Variants in RELCH observed in about 807,000 individuals in gnomAD.
RELCH encodes the protein RAB11-binding protein RELCH.
Under a neutral mutation model 150.3 loss-of-function variants are expected in RELCH, and 41 were observed. The ratio of observed to expected loss-of-function variants is 0.27; its 90% CI spans 0.21 to 0.35. The LOEUF is 0.35. Among genes scored for constraint, RELCH ranks in the 10% least tolerant of loss-of-function variants. RELCH has a pLI of 1.00. For synonymous variants in RELCH, 478 were observed against 531.8 expected (o/e 0.90, Z 1.39); for missense variants, 1,092 against 1,467.8 (o/e 0.74, Z 4.18).
intron 15 of RELCH, 44 bp downstream of exon 15, chr18:62,258,720 G>A: frequency 2.2e-6 from 3 of 1,395,324 alleles, no homozygotes; most frequent in South Asian, 2.7e-5. Flanking sequence ...AACTTAAAAG[G>A]TCTGTCCTAA....
At chr18:62,248,649 T>C (rs951259583) in intron 11 of RELCH, among the ~76,000 whole-genome samples, 1 of 152,218 alleles carries the variant, frequency 6.6e-6, no homozygotes, top group Non-Finnish European at 1.5e-5. Context: ...GATCTTTTAA[T>C]GGTTATGCTT....
At chr18:62,231,782 C>T (rs955979972) in intron 9 of RELCH, among the ~76,000 whole-genome samples, 1 of 141,284 alleles carries the variant, frequency 7.1e-6, no homozygotes, top group Non-Finnish European at 1.5e-5. Context: ...TCTTGCTGTT[C>T]TGTGTTTCAT....
chr18:62,221,004 G>T (rs1181860078), intron 2 of RELCH, 33 bp from the exon 3 acceptor site: 3 of 1,538,722 alleles, frequency 1.9e-6, no homozygotes, highest in Non-Finnish European at 1.8e-6. Flanking sequence ...TTGGTTGGAT[G>T]CCTGTGTGTG....
rs770963487 is a variant in RELCH, at chr18:62,264,732, G to A, written c.2511G>A (p.Leu837=). The change falls in exon 18 of 29, where the codon TTG becomes TTA. Residue 837 remains leucine, a synonymous_variant. Transcript: ENST00000644646. ...TTTTCTTTCCTTTCATATTCAGGTT[G>A]CCACAACTTATAGAAATAGTTGGCA... ...ESLLWVVNQL[L]PQLIEIVGKI... is the part of the protein sequence containing the mutation. The A allele has an allele frequency of 3.1e-6, 5 of 1,588,002 alleles. No individual in the cohort carries two copies. The highest frequency in any genetic ancestry group is 1.4e-5 in the African/African-American group (1 of 73,876).
chr18:62,302,704 T>C (rs1437168412), intron 28 of RELCH, among the ~76,000 whole-genome samples: 2 of 152,090 alleles, frequency 1.3e-5, no homozygotes, highest in African/African-American at 4.8e-5. Context: ...AATGTATTTT[T>C]ACTAGAGAGG....
chr18:62,269,177 G>T (rs878979724), intron 20 of RELCH, among the ~76,000 whole-genome samples: 2 of 152,110 alleles, frequency 1.3e-5, no homozygotes, highest in Non-Finnish European at 2.9e-5. Flanking sequence ...TATTTTGTTA[G>T]AAGTGTTAGA....
intron 21 of RELCH, among the ~76,000 whole-genome samples, chr18:62,274,336 A>G (rs570007119): frequency 8.7e-4 from 133 of 152,286 alleles, no homozygotes; most frequent in African/African-American, 3.1e-3. Context: ...TTTTCTTTGA[A>G]GCAGTTGGAG....
At chr18:62,279,710 G>A (rs10515985) in intron 22 of RELCH, 64 bp from the exon 23 acceptor site, 215,076 of 1,049,266 alleles carry the variant, frequency 0.2, 25,073 homozygotes, top group Middle Eastern at 0.25. Context: ...CCTTCTTCCC[G>A]TGGCGCACTG....
At chr18:62,220,815 T>C in intron 2 of RELCH, 1 of 547,014 alleles carries the variant, frequency 1.8e-6, no homozygotes, top group South Asian at 2.3e-5. Context: ...CATTTGATAA[T>C]AACCCCCTGA....
chr18:62,280,372 G>A, intron 23 of RELCH: 1 of 1,613,878 alleles, frequency 6.2e-7, no homozygotes, highest in Non-Finnish European at 8.5e-7. Context: ...GACTCTTCGA[G>A]GCATGAGTGA....
In RELCH at chr18:62,221,323, A is replaced by G. The variant is rs749022966; in HGVS notation, c.744+49A>G. On this transcript the variant is annotated intron_variant, in intron 4 of 28. Transcript: ENST00000644646. ...AAATTAATCTTCCACATTAAATGGTAACATAAATATTGAAGGAGGAATACT... is the reference window on the plus strand; with the variant it reads ...AAATTAATCTTCCACATTAAATGGTGACATAAATATTGAAGGAGGAATACT... 3.2e-6 allele frequency: 5 copies of G among 1,550,568 alleles called. No individual in the cohort carries two copies. The East Asian group carries it at 9.0e-5, about 28-fold the overall frequency.
chr18:62,236,149 A>T lies in RELCH; in HGVS notation c.1620+3722A>T, dbSNP rs568323340. On this transcript the variant is annotated intron_variant, in intron 10 of 28. Coordinates refer to ENST00000644646, the MANE Select transcript of RELCH (RefSeq NM_001346231.2). Reference sequence around the variant, plus strand: ...TCCTTTTATCCCTAGTTTGCTAAATATTCTTATCATAAAATGGCATTGAAT... The same window carrying T: ...TCCTTTTATCCCTAGTTTGCTAAATTTTCTTATCATAAAATGGCATTGAAT... Among the ~76,000 whole-genome samples the T allele has an allele frequency of 1.4e-3, 212 of 152,098 alleles. 1 individual carries two copies. Among genetic ancestry groups the T allele is most frequent in the African/African-American group, 5.0e-3 (206 of 41,538 alleles).
At chr18:62,262,304 A>G (rs1335874034) in intron 16 of RELCH, among the ~76,000 whole-genome samples, 1 of 152,062 alleles carries the variant, frequency 6.6e-6, no homozygotes, top group Non-Finnish European at 1.5e-5. Context: ...AACGTCCAGG[A>G]CAAATGGCTA....
chr18:62,232,835 G>T (rs1022982444), intron 10 of RELCH, among the ~76,000 whole-genome samples: 6 of 152,030 alleles, frequency 3.9e-5, no homozygotes, highest in African/African-American at 1.4e-4. Context: ...TATAAAACTA[G>T]TCAGGAGGAA....
At chr18:62,302,129 C>T (rs2145160500) in intron 28 of RELCH, among the ~76,000 whole-genome samples, 1 of 152,252 alleles carries the variant, frequency 6.6e-6, no homozygotes. Flanking sequence ...AACTTGGCAG[C>T]TGATTAAGAG....
At position 62,267,512 on chromosome 18, in the gene RELCH, G is replaced by T. The variant is rs56049532; in HGVS notation, c.2680+763G>T. Reference sequence around the variant, plus strand: ...TGTGTGTGTGTGTGTGTGTGTGTGTGTGTGTGTATACATATATATATATAC... The same window carrying T: ...TGTGTGTGTGTGTGTGTGTGTGTGTTTGTGTGTATACATATATATATATAC... On this transcript the variant is annotated intron_variant, in intron 19 of 28. Coordinates refer to ENST00000644646, the MANE Select transcript of RELCH (RefSeq NM_001346231.2). Among the ~76,000 whole-genome samples the T allele has an allele frequency of 2.2e-3, 292 of 135,788 alleles. 2 individuals carry two copies. The highest frequency in any genetic ancestry group is 3.0e-3 in the Non-Finnish European group (190 of 63,500). 89.1% of individuals were successfully genotyped at this position (135,788 alleles called of 152,430 possible).
At chr18:62,261,690 A>G (rs774257202) in intron 16 of RELCH, 32 bp downstream of exon 16, 14 of 1,585,296 alleles carry the variant, frequency 8.8e-6, no homozygotes, top group African/African-American at 1.4e-5. Context: ...AGAAAAATGT[A>G]GAATATTAGC....
At chr18:62,255,318 T>C in intron 12 of RELCH, 89 bp from the exon 13 acceptor site, 1 of 908,292 alleles carries the variant, frequency 1.1e-6, no homozygotes, top group Non-Finnish European at 1.8e-6. Context: ...ATTGCATTCT[T>C]AACAGGATTT....
intron 10 of RELCH, among the ~76,000 whole-genome samples, chr18:62,240,335 G>C (rs1568364843): frequency 6.6e-6 from 1 of 151,176 alleles, no homozygotes; most frequent in Non-Finnish European, 1.5e-5. Context: ...ATTTAAATAT[G>C]GATATTAAAT....
Sources: gnomAD v4.1 joint callset for allele counts (sites outside exome capture counted in the v4.1 genomes callset) on GRCh38, gnomAD v4.1.1 for gene constraint, MANE v1.5 for transcripts, NCBI Gene and HGNC (gene_info 2026-07-23, HGNC 2026-07-21) for gene names.